The following PTPRO variants were observed in gnomAD, a reference collection of about 807,000 sequenced individuals.
The protein encoded by PTPRO is receptor-type tyrosine-protein phosphatase O.
Under a neutral mutation model 145.2 loss-of-function variants are expected in PTPRO, and 62 were observed. The observed-to-expected ratio is 0.43, with a 90% CI of 0.35 to 0.53. PTPRO has a LOEUF of 0.53. Among genes scored for constraint, PTPRO ranks in the 20% least tolerant of loss-of-function variants. The pLI is 0.01. For synonymous variants in PTPRO, 565 were observed against 514.7 expected, an observed-to-expected ratio of 1.10 and a Z score of -1.32; for missense variants, 1,345 against 1,482.7, an observed-to-expected ratio of 0.91 and a Z score of 1.53.
intron 1 of PTPRO, among the ~76,000 whole-genome samples, chr12:15,411,304 CA>C (rs1157037774): frequency 1.3e-5 from 2 of 152,272 alleles, no homozygotes; most frequent in African/African-American, 2.4e-5. Context: ...ATTGTCTACA[CA>C]AAAAACTTAG....
chr12:15,414,623 G>C (rs1359444860), intron 1 of PTPRO, among the ~76,000 whole-genome samples: 2 of 152,098 alleles, frequency 1.3e-5, no homozygotes, highest in African/African-American at 4.8e-5. Context: ...TCATCTTTCT[G>C]ACAGTATTTA....
intron 1 of PTPRO, among the ~76,000 whole-genome samples, chr12:15,350,334 T>A (rs948252854): frequency 1.4e-4 from 21 of 152,280 alleles, no homozygotes; most frequent in African/African-American, 4.8e-4. Context: ...CTTGTTCCCG[T>A]GGAAGACCTA....
intron 4 of PTPRO, 88 bp from the exon 5 acceptor site, chr12:15,501,532 T>C (rs1224520633): frequency 1.3e-5 from 16 of 1,209,316 alleles, no homozygotes; most frequent in Non-Finnish European, 1.9e-5. Flanking sequence ...TTTAAAAATC[T>C]GCTTGTGTAC....
intron 17 of PTPRO, among the ~76,000 whole-genome samples, chr12:15,565,112 C>G (rs1943864543): frequency 6.6e-6 from 1 of 152,160 alleles, no homozygotes; most frequent in African/African-American, 2.4e-5. Flanking sequence ...CATGTCCACA[C>G]TGACAGCACA....
Position 15,482,353 on chromosome 12 carries a change from A to T in PTPRO, c.76-1621A>T, listed in dbSNP as rs1342303099. Among the ~76,000 whole-genome samples the T allele has an allele frequency of 2.6e-5, 4 of 152,132 alleles. 1 individual carries two copies. The highest frequency in any genetic ancestry group is 4.1e-4 in the South Asian group (2 of 4,832). Reference sequence around the variant, plus strand: ...AAAAACTTGCAAGTTGCTCTAGCAGATGTCGTTACTAGAGCCAAGGAAGGG... The same window carrying T: ...AAAAACTTGCAAGTTGCTCTAGCAGTTGTCGTTACTAGAGCCAAGGAAGGG... On this transcript the variant is annotated intron_variant, in intron 1 of 26. Transcript: ENST00000281171.
At chr12:15,405,483 C>A (rs889809104) in intron 1 of PTPRO, among the ~76,000 whole-genome samples, 6 of 152,072 alleles carry the variant, frequency 3.9e-5, no homozygotes, top group African/African-American at 1.4e-4. Flanking sequence ...GATATGAGTT[C>A]TAATCAGAAC....
intron 2 of PTPRO, among the ~76,000 whole-genome samples, chr12:15,491,437 T>G (rs1356961952): frequency 6.6e-6 from 1 of 152,244 alleles, no homozygotes; most frequent in East Asian, 1.9e-4. Flanking sequence ...TTCTTGTCTC[T>G]TCTCCGAGAT....
rs1253182366 is a variant in PTPRO at position 15,596,096 on chromosome 12, A to G, written c.*23A>G. The G allele has an allele frequency of 6.6e-6, 1 of 152,200 alleles. No homozygotes were observed. Among genetic ancestry groups the G allele is most frequent in the African/African-American group, 2.4e-5 (1 of 41,438 alleles). 9.4% of individuals were successfully genotyped at this position (152,200 alleles called of 1,614,324 possible). A position where few individuals can be genotyped will look rare whatever the true frequency, so the allele number is the denominator to read the frequency against. On this transcript the variant is annotated 3_prime_UTR_variant, in exon 27 of 27. Coordinates refer to ENST00000281171, the MANE Select transcript of PTPRO (RefSeq NM_030667.3). The stretch of plus-strand genomic sequence containing the variant: ...TTCTTTGTCTCATTCACAGGAGAGG[A>G]CATGATGTGCGCCCATCCTCCCTTG...
Position 15,437,088 on chromosome 12 carries a change from C to G in PTPRO, c.76-46886C>G, listed in dbSNP as rs375530948. 1.8e-3 allele frequency among the ~76,000 whole-genome samples: 276 copies of G among 151,618 alleles called. 1 individual carries two copies. The highest frequency in any genetic ancestry group is 6.4e-3 in the African/African-American group (264 of 41,328). On this transcript the variant is annotated intron_variant, in intron 1 of 26. Coordinates refer to ENST00000281171, the MANE Select transcript of PTPRO (RefSeq NM_030667.3). Reference sequence around the variant, plus strand: ...GCCTGGACCGGTGGTCTGAGCCACACCACCCTTCCTTGATGTATATGGTGG... The same window carrying G: ...GCCTGGACCGGTGGTCTGAGCCACAGCACCCTTCCTTGATGTATATGGTGG...
At chr12:15,470,000 G>T (rs1445951510) in intron 1 of PTPRO, among the ~76,000 whole-genome samples, 2 of 152,102 alleles carry the variant, frequency 1.3e-5, no homozygotes, top group African/African-American at 2.4e-5. Flanking sequence ...AATAACTGAG[G>T]TTCAAAGAAT....
chr12:15,579,941 G>A (rs1014373816), intron 20 of PTPRO, 98 bp from the exon 21 acceptor site: 37 of 915,582 alleles, frequency 4.0e-5, no homozygotes, highest in Middle Eastern at 4.8e-4. Context: ...TGCCTACTCT[G>A]TCACTGACTG....
At chr12:15,508,471 T>G in intron 6 of PTPRO, 100 bp from the exon 7 acceptor site, 1 of 1,265,570 alleles carries the variant, frequency 7.9e-7, no homozygotes, top group Non-Finnish European at 1.1e-6. Context: ...TTGAATCTCA[T>G]TGTAAGGGCA....
At position 15,342,159 on chromosome 12, in the gene PTPRO, C is replaced by T. The variant is rs574321605; in HGVS notation, c.75+19358C>T. On this transcript the variant is annotated intron_variant, in intron 1 of 26. Transcript: ENST00000281171. ...TTTTTATAAACTAAAGTTTGCCATA[C>T]CCAAGTGCACTTTCTGTCACCTGAA... 1.3e-4 allele frequency among the ~76,000 whole-genome samples: 20 copies of T among 152,214 alleles called. No homozygotes were observed. In the South Asian group the frequency reaches 4.2e-3, roughly 32 times the overall value.
At chr12:15,411,216 T>C (rs1268215597) in intron 1 of PTPRO, among the ~76,000 whole-genome samples, 2 of 152,232 alleles carry the variant, frequency 1.3e-5, no homozygotes, top group Non-Finnish European at 2.9e-5. Flanking sequence ...TTTATCCCAC[T>C]GCTCTCTAAA....
chr12:15,580,932 A>G, intron 22 of PTPRO, 101 bp downstream of exon 22: 1 of 1,474,742 alleles, frequency 6.8e-7, no homozygotes, highest in Non-Finnish European at 9.4e-7. Flanking sequence ...TAAAACATAG[A>G]GACAAATCGC....
intron 12 of PTPRO, among the ~76,000 whole-genome samples, chr12:15,544,399 G>A (rs1477938815): frequency 6.6e-6 from 1 of 151,416 alleles, no homozygotes; most frequent in Non-Finnish European, 1.5e-5. Flanking sequence ...CAGCTACTCA[G>A]GAGGCTGAGG....
intron 12 of PTPRO, among the ~76,000 whole-genome samples, chr12:15,535,767 C>G (rs532193163): frequency 6.6e-6 from 1 of 152,218 alleles, no homozygotes; most frequent in Non-Finnish European, 1.5e-5. Flanking sequence ...GAGCCTCATA[C>G]CCACTTTTGT....
intron 1 of PTPRO, among the ~76,000 whole-genome samples, chr12:15,452,475 T>A (rs1941071955): frequency 6.6e-6 from 1 of 151,992 alleles, no homozygotes; most frequent in East Asian, 1.9e-4. Context: ...AAAGAGGAAA[T>A]CCTCCCTAAA....
intron 1 of PTPRO, among the ~76,000 whole-genome samples, chr12:15,468,219 C>G (rs253817): frequency 0.021 from 3,183 of 152,222 alleles, 121 homozygotes; most frequent in East Asian, 0.14. Context: ...TCCAATAAAA[C>G]TTTCCACCCC....
Sources: allele counts gnomAD v4.1 joint callset (sites outside exome capture counted in the v4.1 genomes callset), GRCh38; gene constraint gnomAD v4.1.1; transcripts MANE v1.5; gene names NCBI Gene and HGNC (gene_info 2026-07-23, HGNC 2026-07-21).